PHC3: variants seen among roughly 807,000 people sequenced by gnomAD.
PHC3 encodes polyhomeotic homolog 3, also known as polyhomeotic-like protein 3.
PHC3 carries 13 observed loss-of-function variants against 107.4 expected under a neutral mutation model. The ratio of observed to expected loss-of-function variants is 0.12; its 90% CI spans 0.08 to 0.19. PHC3 has a LOEUF of 0.19. Among genes scored for constraint, PHC3 ranks in the 10% least tolerant of loss-of-function variants. The probability of loss-of-function intolerance (pLI) is 1.00; values close to 1 mark genes in which losing one functional copy is unlikely to be tolerated. For synonymous variants in PHC3, 456 were observed against 427.4 expected (o/e 1.07, Z -0.83); for missense variants, 992 against 1,210.9 (o/e 0.82, Z 2.68).
chr3:170,117,337 G>C lies in PHC3; in HGVS notation c.2082C>G (p.His694Gln), dbSNP rs1437846501. ...ATTRSNSTSM[H>Q]SSIPSIENKP... The stretch of plus-strand genomic sequence containing the variant: ...TGTTCTCTATACTGGGAATGCTACT[G>C]TGCATAGATGTACTGTTACTCCTTG... Residue 694 changes from histidine to glutamine, a missense_variant, in exon 10 of 15, where the codon CAC (histidine) becomes CAG (glutamine). This residue lies in a region of PHC3 where 543 missense variants were observed against 590.8 expected (regional missense o/e 0.92). Transcript: ENST00000495893. 6.2e-7 allele frequency: 1 copy of C among 1,613,812 alleles called. No individual in the cohort carries two copies. The highest frequency in any genetic ancestry group is 8.5e-7 in the Non-Finnish European group (1 of 1,179,870).
At chr3:170,158,400 G>A (rs957617048) in intron 4 of PHC3, among the ~76,000 whole-genome samples, 14 of 151,798 alleles carry the variant, frequency 9.2e-5, no homozygotes, top group African/African-American at 3.4e-4. Flanking sequence ...TCAGAAGTTC[G>A]AAACCAGCCT....
At chr3:170,175,858 A>C (rs1418672691) in intron 2 of PHC3, among the ~76,000 whole-genome samples, 3 of 149,598 alleles carry the variant, frequency 2.0e-5, no homozygotes, top group African/African-American at 7.4e-5. Flanking sequence ...AGGGAGGCAG[A>C]GGTTGCAGTG....
chr3:170,117,102 G>C, intron 10 of PHC3, 124 bp downstream of exon 10: 2 of 1,222,424 alleles, frequency 1.6e-6, no homozygotes, highest in African/African-American at 3.1e-5. Flanking sequence ...ATAAATGCTA[G>C]ATTAAAATGG....
At chr3:170,137,921 G>C (rs759855534) in intron 6 of PHC3, among the ~76,000 whole-genome samples, 1 of 152,164 alleles carries the variant, frequency 6.6e-6, no homozygotes, top group African/African-American at 2.4e-5. Context: ...CCTTTCTCAG[G>C]CTGGGTGTGG....
intron 4 of PHC3, among the ~76,000 whole-genome samples, chr3:170,156,009 G>A (rs1726839782): frequency 6.6e-6 from 1 of 152,062 alleles, no homozygotes. Flanking sequence ...ATATTAATTT[G>A]CTTTTATCAT....
chr3:170,115,025 C>CA (rs201933486), intron 10 of PHC3, among the ~76,000 whole-genome samples: 1,854 of 152,050 alleles, frequency 0.012, 40 homozygotes, highest in African/African-American at 0.042. Flanking sequence ...AATCATTTTC[C>CA]AAAAAATAAT....
Position 170,178,826 on chromosome 3 carries a change from T to C in PHC3, c.127A>G (p.Met43Val), listed in dbSNP as rs1730934312. The C allele has an allele frequency of 3.7e-6, 6 of 1,613,992 alleles. No homozygotes were observed. The highest frequency in any genetic ancestry group is 1.1e-5 in the South Asian group (1 of 91,088). ...TAGACAGAGATCTGTGGCTGCTGCA[T>C]TCGAGAGGAGGAAGTGGTGATGGTG... Reference protein sequence around the residue: ...TTTITTSSSRMQQPQISVYSG... With the variant: ...TTTITTSSSRVQQPQISVYSG... Residue 43 changes from methionine to valine, a missense_variant, in exon 2 of 15, where the codon ATG (methionine) becomes GTG (valine). By Grantham distance (21) the Met-to-Val change is conservative. Around this residue, in one of 6 missense-constraint regions of PHC3, gnomAD observed 161 missense variants for 183.7 expected, o/e 0.88. Coordinates refer to ENST00000495893, the MANE Select transcript of PHC3 (RefSeq NM_024947.4).
intron 8 of PHC3, among the ~76,000 whole-genome samples, chr3:170,126,816 G>C (rs1349129771): frequency 1.3e-5 from 2 of 151,808 alleles, no homozygotes; most frequent in African/African-American, 2.4e-5. Context: ...GCTGGGATTA[G>C]AGGTGTGAGG....
chr3:170,149,329 T>C, intron 4 of PHC3, 85 bp from the exon 5 acceptor site: 1 of 1,353,178 alleles, frequency 7.4e-7, no homozygotes, highest in Non-Finnish European at 1.0e-6. Context: ...AGTTAGGCAA[T>C]CAATGGTATA....
intron 1 of PHC3, 70 bp from the exon 2 acceptor site, chr3:170,179,008 C>T (rs1730973092): frequency 7.1e-7 from 1 of 1,404,536 alleles, no homozygotes; most frequent in South Asian, 1.3e-5. Context: ...ATATTCATTC[C>T]AAAGAAATAA....
Position 170,172,643 on chromosome 3 carries a change from G to T in PHC3, c.250C>A (p.Gln84Lys). 1 of 1,613,594 alleles carries T rather than the reference G, an allele frequency of 6.2e-7. No homozygotes were observed. Among genetic ancestry groups the T allele is most frequent in the Non-Finnish European group, 8.5e-7 (1 of 1,179,738 alleles). The stretch of plus-strand genomic sequence containing the variant: ...GTATGCAGCATCAAGTGCTGTTGTT[G>T]GGCTGCATACATTTGCTGAAGGTAC... Reference protein sequence around the residue: ...AQYLQQMYAAQQQHLMLHTAA... With the variant: ...AQYLQQMYAAKQQHLMLHTAA... The change falls in exon 3 of 15, where the codon CAA (glutamine) becomes AAA (lysine). Residue 84 changes from glutamine (Q) to lysine (K), a missense_variant. Transcript: ENST00000495893.
chr3:170,174,745 AGAC>A (rs1730147131), intron 2 of PHC3, among the ~76,000 whole-genome samples: 1 of 152,222 alleles, frequency 6.6e-6, no homozygotes. Flanking sequence ...CTCCAACTAT[AGAC>A]TACTATGCCT....
In PHC3 at chr3:170,092,975, A is replaced by C. The variant is rs771001180; in HGVS notation, c.*4255T>G. 13 of 152,186 alleles carry C rather than the reference A, an allele frequency of 8.5e-5. No individual in the cohort carries two copies. The highest frequency in any genetic ancestry group is 1.6e-4 in the Non-Finnish European group (11 of 68,032). The allele number at this position is 152,186 out of a possible 1,614,324, so 9.4% of individuals were successfully genotyped here. A position where few individuals can be genotyped will look rare whatever the true frequency, so the allele number is the denominator to read the frequency against. On this transcript the variant is annotated 3_prime_UTR_variant, in exon 15 of 15. Coordinates refer to ENST00000495893, the MANE Select transcript of PHC3 (RefSeq NM_024947.4). ...TGAACTATGGATGAAAGCCATATCT[A>C]TCCTAAATATCTTCTATCCTCTTGG...
At chr3:170,151,621 A>C (rs906169124) in intron 4 of PHC3, among the ~76,000 whole-genome samples, 1 of 152,220 alleles carries the variant, frequency 6.6e-6, no homozygotes, top group Admixed American at 6.5e-5. Context: ...CTACAAGTCA[A>C]ATCCCTATTT....
rs547836703 is a variant in PHC3 at position 170,097,320 on chromosome 3, C to G, written c.2898G>C (p.Leu966=). ...QEIDGQALLL[L]KEDHLMSAMN... ...TTGCACTCATGAGATGGTCTTCTTT[C>G]AGCAAGAGAAGGGCCTGTCCATCAA... Residue 966 remains leucine, a synonymous_variant, in exon 15 of 15, where the codon CTG becomes CTC. Coordinates refer to ENST00000495893, the MANE Select transcript of PHC3 (RefSeq NM_024947.4). The surrounding 1 kb of genome is among the most constrained non-coding windows in gnomAD (Gnocchi z 4.1). 6.2e-7 allele frequency: 1 copy of G among 1,613,604 alleles called. No homozygotes were observed. The highest frequency in any genetic ancestry group is 2.2e-5 in the East Asian group (1 of 44,880).
intron 4 of PHC3, among the ~76,000 whole-genome samples, chr3:170,154,105 A>AT (rs1341444776): frequency 6.6e-6 from 1 of 152,142 alleles, no homozygotes; most frequent in East Asian, 1.9e-4. Flanking sequence ...CTTTTAGCAT[A>AT]TATTTCTATC....
chr3:170,174,524 GCTCA>G (rs1387977275), intron 2 of PHC3, among the ~76,000 whole-genome samples: 2 of 152,142 alleles, frequency 1.3e-5, no homozygotes, highest in African/African-American at 4.8e-5. Flanking sequence ...GTCACATTGT[GCTCA>G]CTGTGACTCT....
intron 2 of PHC3, among the ~76,000 whole-genome samples, chr3:170,173,420 C>T (rs867178354): frequency 1.3e-5 from 2 of 152,100 alleles, no homozygotes; most frequent in African/African-American, 2.4e-5. Flanking sequence ...TTGGCATAAC[C>T]TTTTTGGATA....
At chr3:170,102,771 T>C in intron 13 of PHC3, 31 bp downstream of exon 13, 2 of 1,613,426 alleles carry the variant, frequency 1.2e-6, no homozygotes, top group Non-Finnish European at 1.7e-6. Flanking sequence ...CTGAAAAGGG[T>C]ATTTTACATT....
Sources: allele counts gnomAD v4.1 joint callset (sites outside exome capture counted in the v4.1 genomes callset), GRCh38; gene constraint gnomAD v4.1.1; regional missense constraint gnomAD v4.1.1; non-coding constraint Gnocchi (gnomAD v3.1); transcripts MANE v1.5; gene names NCBI Gene and HGNC (gene_info 2026-07-23, HGNC 2026-07-21).